The following GRIN2A variants were observed in gnomAD, a reference collection of about 807,000 sequenced individuals.
GRIN2A encodes glutamate ionotropic receptor NMDA type subunit 2A.
Under a neutral mutation model 113.4 loss-of-function variants are expected in GRIN2A, and 22 were observed. The observed-to-expected ratio is 0.19, with a 90% CI of 0.14 to 0.28. The LOEUF (loss-of-function observed/expected upper bound fraction) is 0.28. Among genes scored for constraint, GRIN2A ranks in the 10% least tolerant of loss-of-function variants. The pLI, the probability that GRIN2A is intolerant of heterozygous loss-of-function variation, is 1.00. For synonymous variants in GRIN2A, 827 were observed against 738.4 expected, an observed-to-expected ratio of 1.12 and a Z score of -1.94; for missense variants, 1,502 against 1,887.0, an observed-to-expected ratio of 0.80 and a Z score of 3.78.
chr16:9,803,147 A>C (rs973304975), intron 10 of GRIN2A, among the ~76,000 whole-genome samples: 25 of 152,088 alleles, frequency 1.6e-4, no homozygotes, highest in African/African-American at 5.8e-4. Flanking sequence ...GCTAGCGCCT[A>C]AAGTCCCAGC....
At chr16:9,859,591 C>T (rs567054402) in intron 4 of GRIN2A, among the ~76,000 whole-genome samples, 87 of 149,624 alleles carry the variant, frequency 5.8e-4, no homozygotes, top group African/African-American at 2.0e-3. Flanking sequence ...CTAACACAAA[C>T]ACATATACTC....
rs767852385 is a variant in GRIN2A at position 9,949,084 on chromosome 16, G to A, written c.415-10533C>T. Among the ~76,000 whole-genome samples the A allele has an allele frequency of 8.5e-4, 130 of 152,116 alleles. 1 individual carries two copies. Among genetic ancestry groups the A allele is most frequent in the Non-Finnish European group, 1.6e-3 (111 of 68,012 alleles). ...ACTGAGGAAATAGGAAACAGCTGCC[G>A]CCTCCTCTCTCCCCTCCACCTCCAC... On this transcript the variant is annotated intron_variant, in intron 2 of 12. Transcript: ENST00000330684.
chr16:9,865,314 C>T (rs2043144096), intron 4 of GRIN2A, among the ~76,000 whole-genome samples: 1 of 152,074 alleles, frequency 6.6e-6, no homozygotes, highest in Non-Finnish European at 1.5e-5. Flanking sequence ...CCAATTTCAC[C>T]CAAACCAATT....
chr16:9,769,787 T>G (rs1901151581), intron 11 of GRIN2A, among the ~76,000 whole-genome samples: 1 of 152,218 alleles, frequency 6.6e-6, no homozygotes, highest in Non-Finnish European at 1.5e-5. Flanking sequence ...TTTACTGTTG[T>G]GAAGAAAATG....
chr16:9,871,146 C>G (rs899743514), intron 4 of GRIN2A, among the ~76,000 whole-genome samples: 2 of 152,128 alleles, frequency 1.3e-5, no homozygotes, highest in African/African-American at 4.8e-5. Flanking sequence ...GTCCTCCTGT[C>G]ACACCCACCT....
chr16:9,954,346 C>A (rs1216101394), intron 2 of GRIN2A, among the ~76,000 whole-genome samples: 1 of 152,286 alleles, frequency 6.6e-6, no homozygotes, highest in East Asian at 1.9e-4. Flanking sequence ...TGCACATGGT[C>A]GGCAGATTGA....
At chr16:10,007,843 T>C (rs1027102529) in intron 2 of GRIN2A, among the ~76,000 whole-genome samples, 2 of 152,108 alleles carry the variant, frequency 1.3e-5, no homozygotes, top group African/African-American at 4.8e-5. Flanking sequence ...GACACTGACA[T>C]GGGCAGATAA....
chr16:9,851,151 G>T (rs540820510), intron 4 of GRIN2A, among the ~76,000 whole-genome samples: 3 of 152,288 alleles, frequency 2.0e-5, no homozygotes, highest in Admixed American at 2.0e-4. Context: ...CAGGAGAGGT[G>T]ACAGGGTGGG....
At chr16:9,993,850 C>G (rs981614403) in intron 2 of GRIN2A, among the ~76,000 whole-genome samples, 2 of 152,212 alleles carry the variant, frequency 1.3e-5, no homozygotes, top group African/African-American at 4.8e-5. Context: ...TGAGTCAGGA[C>G]AGGCGGCTCA....
chr16:10,086,558 G>T (rs372359222), intron 2 of GRIN2A, among the ~76,000 whole-genome samples: 1 of 143,638 alleles, frequency 7.0e-6, no homozygotes, highest in Admixed American at 7.3e-5. Context: ...TAAAATTACA[G>T]AGGAGCCCCA....
intron 2 of GRIN2A, among the ~76,000 whole-genome samples, chr16:9,958,970 G>C (rs1424764991): frequency 6.6e-6 from 1 of 152,142 alleles, no homozygotes; most frequent in Non-Finnish European, 1.5e-5. Flanking sequence ...GGCACAAAAT[G>C]AGCAGAATTG....
At chr16:9,946,286 T>G (rs1279068812) in intron 2 of GRIN2A, among the ~76,000 whole-genome samples, 1 of 152,180 alleles carries the variant, frequency 6.6e-6, no homozygotes, top group Non-Finnish European at 1.5e-5. Context: ...ATGGATTGTC[T>G]GGGGCTAGGT....
At chr16:9,825,323 T>G (rs1247524731) in intron 9 of GRIN2A, among the ~76,000 whole-genome samples, 1 of 152,220 alleles carries the variant, frequency 6.6e-6, no homozygotes, top group Admixed American at 6.5e-5. Context: ...CTCTAATGCT[T>G]GGGATAGATC....
intron 2 of GRIN2A, among the ~76,000 whole-genome samples, chr16:10,033,062 C>G (rs561253061): frequency 6.6e-6 from 1 of 152,290 alleles, no homozygotes; most frequent in Admixed American, 6.5e-5. Context: ...GCCCTGCATT[C>G]CTGGGCACGT....
chr16:9,871,279 T>TGAG (rs1347294187), intron 4 of GRIN2A, among the ~76,000 whole-genome samples: 1 of 152,152 alleles, frequency 6.6e-6, no homozygotes, highest in African/African-American at 2.4e-5. Context: ...GGCTCCTGGA[T>TGAG]GAGGACTTGC....
At chr16:10,004,246 G>A (rs1186340930) in intron 2 of GRIN2A, among the ~76,000 whole-genome samples, 2 of 151,892 alleles carry the variant, frequency 1.3e-5, no homozygotes, top group Non-Finnish European at 2.9e-5. Context: ...AAAATCAGCT[G>A]GGCATGATGG....
chr16:9,999,244 C>G lies in GRIN2A; in HGVS notation c.415-60693G>C, dbSNP rs62033384. 2.9e-3 allele frequency among the ~76,000 whole-genome samples: 441 copies of G among 152,222 alleles called. 5 individuals are homozygous for G. The highest frequency in any genetic ancestry group is 1.0e-2 in the African/African-American group (414 of 41,522). On this transcript the variant is annotated intron_variant, in intron 2 of 12. Transcript: ENST00000330684. ...GGTATCAGACTGCCTGGGTTCAAAT[C>G]CTGACTCAACTGCTTAACTCAAGAA...
intron 2 of GRIN2A, among the ~76,000 whole-genome samples, chr16:10,138,675 G>A (rs975660642): frequency 1.3e-5 from 2 of 152,106 alleles, no homozygotes; most frequent in Non-Finnish European, 2.9e-5. Flanking sequence ...TTCCTTCTAT[G>A]AGCCTCAGTT....
chr16:9,991,789 C>A (rs1016653786), intron 2 of GRIN2A, among the ~76,000 whole-genome samples: 5 of 152,122 alleles, frequency 3.3e-5, no homozygotes, highest in Non-Finnish European at 7.3e-5. Flanking sequence ...TCTCAGCAAA[C>A]TAACATAGGA....
Sources: allele counts gnomAD v4.1 joint callset (sites outside exome capture counted in the v4.1 genomes callset), GRCh38; gene constraint gnomAD v4.1.1; transcripts MANE v1.5; gene names NCBI Gene and HGNC (gene_info 2026-07-23, HGNC 2026-07-21).